The following CFDP1 variants were observed in gnomAD, a reference collection of about 807,000 sequenced individuals.
The protein encoded by CFDP1 is heterochromatin-stabilizing protein CFDP1.
In CFDP1, 31 loss-of-function variants were observed where a neutral mutation model predicts 40.1. That is an observed-to-expected ratio of 0.77 (90% CI 0.58 to 1.04). The LOEUF is 1.04. Ranked by LOEUF, CFDP1 falls within the 50% of genes least tolerant of loss-of-function variation. The pLI is 0.00. For synonymous variants in CFDP1, 167 were observed against 120.0 expected (o/e 1.39, Z -2.56); for missense variants, 423 against 343.4 (o/e 1.23, Z -1.83).
At chr16:75,325,280 C>T (rs1567645989) in intron 5 of CFDP1, among the ~76,000 whole-genome samples, 1 of 152,206 alleles carries the variant, frequency 6.6e-6, no homozygotes, top group Non-Finnish European at 1.5e-5. Context: ...CCTAGCACAG[C>T]CCCTTGTATA....
At chr16:75,336,175 A>T (rs2078486557) in intron 5 of CFDP1, among the ~76,000 whole-genome samples, 1 of 152,190 alleles carries the variant, frequency 6.6e-6, no homozygotes, top group South Asian at 2.1e-4. Flanking sequence ...ACTTTCTCTC[A>T]GCCAGACAGA....
intron 5 of CFDP1, among the ~76,000 whole-genome samples, chr16:75,391,035 G>GA (rs1477559971): frequency 6.6e-6 from 1 of 152,244 alleles, no homozygotes; most frequent in Non-Finnish European, 1.5e-5. Context: ...TTAGCTGTAA[G>GA]AAAGGCAGGC....
At chr16:75,310,596 G>C (rs1441350305) in intron 5 of CFDP1, among the ~76,000 whole-genome samples, 1 of 152,212 alleles carries the variant, frequency 6.6e-6, no homozygotes, top group Non-Finnish European at 1.5e-5. Flanking sequence ...GTCTGTCACA[G>C]AGATATTATG....
intron 4 of CFDP1, 138 bp downstream of exon 4, chr16:75,411,687 C>G: frequency 1.2e-6 from 1 of 823,532 alleles, no homozygotes; most frequent in Non-Finnish European, 1.9e-6. Flanking sequence ...ATTTATAGAG[C>G]CAGTTTTCCT....
intron 5 of CFDP1, among the ~76,000 whole-genome samples, chr16:75,349,799 G>A (rs190292001): frequency 3.4e-4 from 49 of 145,478 alleles, no homozygotes; most frequent in African/African-American, 1.2e-3. Flanking sequence ...GATTGCTTAG[G>A]ATTTTCTCCA....
intron 6 of CFDP1, among the ~76,000 whole-genome samples, chr16:75,303,502 G>GGCC (rs768700594): frequency 5.3e-5 from 3 of 56,844 alleles, no homozygotes; most frequent in Admixed American, 4.6e-4. Flanking sequence ...TTAGAAATAT[G>GGCC]ACCCCCCCCA....
intron 1 of CFDP1, among the ~76,000 whole-genome samples, chr16:75,426,325 G>A (rs1306548555): frequency 2.0e-5 from 3 of 151,972 alleles, no homozygotes; most frequent in African/African-American, 7.3e-5. Context: ...ACTCCAGCCT[G>A]GGCAACAAGA....
In CFDP1 at chr16:75,433,443, G is replaced by T. The variant is rs1387593672; in HGVS notation, c.-91C>A. The T allele has an allele frequency of 3.8e-6, 5 of 1,304,958 alleles. No homozygotes were observed. Among genetic ancestry groups the T allele is most frequent in the East Asian group, 5.1e-5 (2 of 39,506 alleles). 80.8% of individuals were successfully genotyped at this position (1,304,958 alleles called of 1,614,324 possible). A position where few individuals can be genotyped will look rare whatever the true frequency, so the allele number is the denominator to read the frequency against. ...TAGGGAGAGACCATAGAGCCCCGGC[G>T]GCGGCGACGGCAGCTAGGGCGGCCC... On this transcript the variant is annotated 5_prime_UTR_variant, in exon 1 of 7. Coordinates refer to ENST00000283882, the MANE Select transcript of CFDP1 (RefSeq NM_006324.3).
At chr16:75,309,677 G>A (rs923068052) in intron 5 of CFDP1, among the ~76,000 whole-genome samples, 9 of 152,024 alleles carry the variant, frequency 5.9e-5, no homozygotes, top group East Asian at 5.8e-4. Flanking sequence ...AAAATTAGCC[G>A]GGCGTGGTGG....
At chr16:75,380,465 T>A (rs2078843431) in intron 5 of CFDP1, among the ~76,000 whole-genome samples, 1 of 150,530 alleles carries the variant, frequency 6.6e-6, no homozygotes, top group African/African-American at 2.5e-5. Context: ...CACGTGATAA[T>A]AAAAATGGTC....
At chr16:75,402,261 A>G (rs1195556905) in intron 4 of CFDP1, among the ~76,000 whole-genome samples, 1 of 152,218 alleles carries the variant, frequency 6.6e-6, no homozygotes, top group Non-Finnish European at 1.5e-5. Flanking sequence ...GTAATAGTTA[A>G]TTCAAGTGTT....
intron 1 of CFDP1, among the ~76,000 whole-genome samples, chr16:75,430,266 T>TTGAAGCAATTCCCCTGCCCCAGCC (rs1397365039): frequency 2.7e-5 from 4 of 148,908 alleles, no homozygotes; most frequent in Non-Finnish European, 5.9e-5. Context: ...ACGCCCCTGG[T>TTGAAGCAATTCCCCTGCCCCAGCC]TCAAGCAATT....
At chr16:75,403,217 G>A (rs956336662) in intron 4 of CFDP1, among the ~76,000 whole-genome samples, 32 of 152,124 alleles carry the variant, frequency 2.1e-4, no homozygotes, top group South Asian at 4.2e-4. Flanking sequence ...TAATTTGACC[G>A]AAAATTTATG....
chr16:75,409,771 G>C (rs1285137279), intron 4 of CFDP1, among the ~76,000 whole-genome samples: 1 of 152,128 alleles, frequency 6.6e-6, no homozygotes. Flanking sequence ...TGGTGAGAGA[G>C]AGGCAATACA....
intron 4 of CFDP1, among the ~76,000 whole-genome samples, chr16:75,399,609 G>A (rs1454249989): frequency 6.6e-6 from 1 of 152,072 alleles, no homozygotes; most frequent in African/African-American, 2.4e-5. Flanking sequence ...AAACTCCTGG[G>A]CTCAAGTGGT....
At chr16:75,365,064 C>A (rs1344555643) in intron 5 of CFDP1, among the ~76,000 whole-genome samples, 1 of 152,172 alleles carries the variant, frequency 6.6e-6, no homozygotes, top group African/African-American at 2.4e-5. Flanking sequence ...ACGAATTTCA[C>A]CATGGTGACT....
chr16:75,394,829 A>AT (rs546643909), intron 5 of CFDP1: 4,376 of 234,864 alleles, frequency 0.019, 1 homozygote, highest in Middle Eastern at 0.045. Flanking sequence ...TGCCCAGCTA[A>AT]TTTTTTTTTT....
intron 1 of CFDP1, among the ~76,000 whole-genome samples, chr16:75,417,521 G>C (rs2079221074): frequency 6.6e-6 from 1 of 152,042 alleles, no homozygotes; most frequent in Admixed American, 6.6e-5. Context: ...GAAAAAGGAA[G>C]AATTAAGAAT....
intron 5 of CFDP1, among the ~76,000 whole-genome samples, chr16:75,339,059 C>G (rs1314623106): frequency 1.3e-4 from 20 of 152,094 alleles, no homozygotes. Flanking sequence ...AAATTTTCTC[C>G]CATTATTTCA....
Sources: allele counts gnomAD v4.1 joint callset (sites outside exome capture counted in the v4.1 genomes callset), GRCh38; gene constraint gnomAD v4.1.1; transcripts MANE v1.5; gene names NCBI Gene and HGNC (gene_info 2026-07-23, HGNC 2026-07-21).